RIMBP2: variants seen among roughly 807,000 people sequenced by gnomAD.
RIMBP2 encodes the protein RIMS-binding protein 2.
In RIMBP2, 48 loss-of-function variants were observed where a neutral mutation model predicts 118.6. The observed-to-expected ratio is 0.40, with a 90% CI of 0.32 to 0.51. RIMBP2 has a LOEUF of 0.51. RIMBP2 is among the 20% of genes least tolerant of loss of function. RIMBP2 has a pLI of 0.41. For synonymous variants in RIMBP2, 762 were observed against 742.9 expected (o/e 1.03, Z -0.42); for missense variants, 1,551 against 1,768.3 (o/e 0.88, Z 2.20).
chr12:130,640,309 T>C (rs1055757478), intron 1 of RIMBP2, among the ~76,000 whole-genome samples: 4 of 152,184 alleles, frequency 2.6e-5, no homozygotes, highest in African/African-American at 9.7e-5. Context: ...CTTAATCATC[T>C]TACACGAAAA....
In RIMBP2 at chr12:130,419,257, G is replaced by A. The variant is rs1053621913; in HGVS notation, c.3238+3196C>T. Among the ~76,000 whole-genome samples, 4 of 152,142 alleles carry A rather than the reference G, an allele frequency of 2.6e-5. No individual in the cohort carries two copies. The highest frequency in any genetic ancestry group is 2.0e-4 in the Admixed American group (3 of 15,280). On this transcript the variant is annotated intron_variant, in intron 17 of 22. Transcript: ENST00000690449. The surrounding 1 kb of genome is among the most constrained non-coding windows in gnomAD (Gnocchi z 4.3). ...TACAGCTGTCTGTCTGACCCTGGGG[G>A]GAGTGGGCACTGCCTCCCATCCTGC...
chr12:130,657,017 C>T (rs2043840747), intron 1 of RIMBP2, among the ~76,000 whole-genome samples: 1 of 152,238 alleles, frequency 6.6e-6, no homozygotes, highest in South Asian at 2.1e-4. Context: ...GCCTCAGTCT[C>T]CTACAGACCT....
rs1949803613 is a variant in RIMBP2 at position 130,710,176 on chromosome 12, G to A, written c.-352+6046C>T. On this transcript the variant is annotated intron_variant, in intron 1 of 22. Transcript: ENST00000690449. This position sits in a 1 kb window ranked among gnomAD's most constrained non-coding sequence, Gnocchi z 4.3. ...CATACCTATGAGAATCAAAGCCACC[G>A]AGCAGCTCGCAGATCCATTCCTCCC... is the stretch of plus-strand genomic sequence containing the variant. 3.3e-5 allele frequency among the ~76,000 whole-genome samples: 5 copies of A among 152,090 alleles called. No homozygotes were observed. In the South Asian group the frequency reaches 6.2e-4, roughly 19 times the overall value.
chr12:130,474,216 A>C (rs1300046828), intron 5 of RIMBP2, among the ~76,000 whole-genome samples: 1 of 152,218 alleles, frequency 6.6e-6, no homozygotes, highest in Non-Finnish European at 1.5e-5. Context: ...CTTATCCGTC[A>C]CATGGAGAAA....
chr12:130,664,382 C>T (rs887301403), intron 1 of RIMBP2, among the ~76,000 whole-genome samples: 7 of 113,104 alleles, frequency 6.2e-5, no homozygotes, highest in Admixed American at 4.4e-4. Flanking sequence ...CATGCACGCA[C>T]GCGCATGCAC....
At position 130,506,044 on chromosome 12, in the gene RIMBP2, T is replaced by C. The variant is rs542015922; in HGVS notation, c.-4+604A>G. Among the ~76,000 whole-genome samples, 494 of 121,042 alleles carry C rather than the reference T, an allele frequency of 4.1e-3. 3 individuals are homozygous for C. Among genetic ancestry groups the C allele is most frequent in the Non-Finnish European group, 3.4e-3 (182 of 53,588 alleles). The allele number at this position is 121,042 out of a possible 152,430, so 79.4% of individuals were successfully genotyped here. Reference sequence around the variant, plus strand: ...CATAGAACTGGAGATGATTATTTTTTTATTTTTGTAAAAAAATGTTTTCCA... The same window carrying C: ...CATAGAACTGGAGATGATTATTTTTCTATTTTTGTAAAAAAATGTTTTCCA... On this transcript the variant is annotated intron_variant, in intron 4 of 22. Transcript: ENST00000690449.
rs114774282 is a variant in RIMBP2 at position 130,683,125 on chromosome 12, G to A, written c.-352+33097C>T. 0.015 allele frequency among the ~76,000 whole-genome samples: 2,309 copies of A among 152,286 alleles called. 63 individuals are homozygous for A. Among genetic ancestry groups the A allele is most frequent in the African/African-American group, 0.052 (2,156 of 41,548 alleles). On this transcript the variant is annotated intron_variant, in intron 1 of 22. Transcript: ENST00000690449. This position sits in a 1 kb window ranked among gnomAD's most constrained non-coding sequence, Gnocchi z 4.4. ...TCTGTGCAGGTATAATTAAGGTAAG[G>A]GTAGAGATGAGATCCAGGGGGGTTG...
Position 130,419,928 on chromosome 12 carries a change from T to G in RIMBP2, c.3238+2525A>C, listed in dbSNP as rs911556788. ...AATCATGAAGGACATTTTTTAAATT[T>G]TGGAAATCCAGAAAATATTAAAATT... On this transcript the variant is annotated intron_variant, in intron 17 of 22. Coordinates refer to ENST00000690449, the MANE Select transcript of RIMBP2 (RefSeq NM_001393629.1). The surrounding 1 kb of genome is among the most constrained non-coding windows in gnomAD (Gnocchi z 4.3). 2.6e-5 allele frequency: 4 copies of G among 152,210 alleles called. No individual in the cohort carries two copies. The highest frequency in any genetic ancestry group is 9.6e-5 in the African/African-American group (4 of 41,454). 9.4% of individuals were successfully genotyped at this position (152,210 alleles called of 1,614,324 possible). A position where few individuals can be genotyped will look rare whatever the true frequency, so the allele number is the denominator to read the frequency against.
Position 130,438,406 on chromosome 12 carries a change from C to T in RIMBP2, c.1615G>A (p.Ala539Thr), listed in dbSNP as rs762190421. The change falls in exon 12 of 23, where the codon GCA becomes ACA. Residue 539 changes from alanine to threonine, a missense_variant. By Grantham distance (58) the Ala-to-Thr change is moderately conservative. Transcript: ENST00000690449. Reference sequence around the variant, plus strand: ...TACACGCCGTAGCCGGTAACGTTTGCGCCATTGGACAGCCCGGTGGGCGTC... The same window carrying T: ...TACACGCCGTAGCCGGTAACGTTTGTGCCATTGGACAGCCCGGTGGGCGTC... Reference protein sequence around the residue: ...VLTPTGLSNGANVTGYGVYAK... With the variant: ...VLTPTGLSNGTNVTGYGVYAK... The T allele has an allele frequency of 4.7e-6, 7 of 1,496,932 alleles. No individual in the cohort carries two copies. Among genetic ancestry groups the T allele is most frequent in the Admixed American group, 1.8e-5 (1 of 55,960 alleles). The allele number at this position is 1,496,932 out of a possible 1,614,324, so 92.7% of individuals were successfully genotyped here.
At chr12:130,462,050 T>TGTGGCTGCTGGCC (rs1464162849) in intron 6 of RIMBP2, among the ~76,000 whole-genome samples, 1 of 152,218 alleles carries the variant, frequency 6.6e-6, no homozygotes, top group Non-Finnish European at 1.5e-5. Flanking sequence ...GGCTGCAGGC[T>TGTGGCTGCTGGCC]GTGGCTGCTG....
At chr12:130,471,116 T>C (rs566252376) in intron 5 of RIMBP2, among the ~76,000 whole-genome samples, 40 of 152,312 alleles carry the variant, frequency 2.6e-4, no homozygotes, top group African/African-American at 9.6e-4. Context: ...CAGCTCTAGG[T>C]TCCCTGAGAC....
chr12:130,648,933 G>T (rs2063105427), intron 1 of RIMBP2, among the ~76,000 whole-genome samples: 1 of 146,032 alleles, frequency 6.8e-6, no homozygotes, highest in African/African-American at 2.5e-5. Flanking sequence ...TGGGATTCCA[G>T]GCGTGAGCCG....
rs905848262 is a variant in RIMBP2, at chr12:130,442,857, G to A, written c.692-197C>T. On this transcript the variant is annotated intron_variant, in intron 10 of 22. Transcript: ENST00000690449. The surrounding 1 kb of genome is among the most constrained non-coding windows in gnomAD (Gnocchi z 6.9). ...CTAAAGAGCCAGCTCCTCCATCCCC[G>A]TGGCCCAGTCTTCTTTTCTCCATGA... 6.6e-6 allele frequency among the ~76,000 whole-genome samples: 1 copy of A among 152,118 alleles called. No homozygotes were observed. The highest frequency in any genetic ancestry group is 1.5e-5 in the Non-Finnish European group (1 of 68,038).
At chr12:130,626,588 C>T (rs538532769) in intron 2 of RIMBP2, among the ~76,000 whole-genome samples, 38 of 151,666 alleles carry the variant, frequency 2.5e-4, no homozygotes, top group Middle Eastern at 3.4e-3. Context: ...TCACGACTAC[C>T]GCCGGCATCA....
At chr12:130,531,875 ACG>A in intron 2 of RIMBP2, among the ~76,000 whole-genome samples, 4 of 151,572 alleles carry the variant, frequency 2.6e-5, no homozygotes, top group East Asian at 1.9e-4. Flanking sequence ...TCTAGGAGTT[ACG>A]TCTAATGAGA....
At chr12:130,646,400 T>TCCCTCACCACCTCCCTC (rs2062960265) in intron 1 of RIMBP2, among the ~76,000 whole-genome samples, 1 of 136,698 alleles carries the variant, frequency 7.3e-6, no homozygotes, top group African/African-American at 2.7e-5. Flanking sequence ...CCTCACCACC[T>TCCCTCACCACCTCCCTC]GCCTCTCCAC....
chr12:130,658,036 G>A (rs922683429), intron 1 of RIMBP2: 46 of 152,334 alleles, frequency 3.0e-4, no homozygotes, highest in African/African-American at 1.1e-3. Flanking sequence ...TGCCTCCCAA[G>A]GGCTTGGGTT....
intron 6 of RIMBP2, 141 bp downstream of exon 6, chr12:130,470,552 T>C (rs1005436874): frequency 2.1e-5 from 9 of 430,402 alleles, no homozygotes; most frequent in Non-Finnish European, 3.5e-5. Flanking sequence ...GAGGATGACA[T>C]GAGAAGACAC....
intron 17 of RIMBP2, among the ~76,000 whole-genome samples, chr12:130,416,877 A>T (rs1375500901): frequency 6.6e-6 from 1 of 152,196 alleles, no homozygotes; most frequent in African/African-American, 2.4e-5. Context: ...GCAAAAAATG[A>T]CTCCATTAAA....
Sources: allele counts gnomAD v4.1 joint callset (sites outside exome capture counted in the v4.1 genomes callset), GRCh38; gene constraint gnomAD v4.1.1; non-coding constraint Gnocchi (gnomAD v3.1); transcripts MANE v1.5; gene names NCBI Gene and HGNC (gene_info 2026-07-23, HGNC 2026-07-21).